The following ZNF469 variants were observed in gnomAD, a reference collection of about 807,000 sequenced individuals.
ZNF469 encodes the protein zinc finger protein 469.
Under a neutral mutation model 1.0 loss-of-function variants are expected in ZNF469, and 1 was observed. The observed-to-expected ratio is 1.00, with a 90% CI of 0.35 to 4.73. ZNF469 has a LOEUF of 4.73. Ranked by LOEUF, ZNF469 falls within the 30% of genes most tolerant of loss-of-function variation. ZNF469 has a pLI of 0.16. For missense variants in ZNF469, 6,100 were observed against 5,356.3 expected, an observed-to-expected ratio of 1.14 and a Z score of -4.33; for synonymous variants, 2,703 against 2,363.4, an observed-to-expected ratio of 1.14 and a Z score of -4.17.
At chr16:88,389,606 G>A (rs372568307) in intron 1 of ZNF469, among the ~76,000 whole-genome samples, 71 of 152,340 alleles carry the variant, frequency 4.7e-4, no homozygotes, top group African/African-American at 1.6e-3. Flanking sequence ...TCCCACCAGT[G>A]TGTCAGTGGT....
the ZNF469 span, among the ~76,000 whole-genome samples, chr16:88,278,644 G>A: frequency 1.6e-3 from 218 of 135,824 alleles, 13 homozygotes; most frequent in African/African-American, 5.4e-3. Flanking sequence ...CACGGTTAGT[G>A]CTGCCTCACG....
At chr16:88,117,983 C>G in the ZNF469 span, among the ~76,000 whole-genome samples, 1 of 152,372 alleles carries the variant, frequency 6.6e-6, no homozygotes, top group East Asian at 1.9e-4. Flanking sequence ...CGCTCTGTCG[C>G]CCAGGCTGGA....
chr16:88,409,949 T>G (rs1905105723), intron 1 of ZNF469, among the ~76,000 whole-genome samples: 1 of 150,852 alleles, frequency 6.6e-6, no homozygotes. Flanking sequence ...CAGCTCTGGC[T>G]GCTGGAAGAT....
the ZNF469 span, among the ~76,000 whole-genome samples, chr16:88,295,671 C>T: frequency 6.6e-6 from 1 of 152,256 alleles, no homozygotes; most frequent in South Asian, 2.1e-4. Flanking sequence ...ACTCGGTGCA[C>T]ACAAAGACAT....
At chr16:88,235,020 G>A in the ZNF469 span, 1 of 152,320 alleles carries the variant, frequency 6.6e-6, no homozygotes, top group Non-Finnish European at 1.5e-5. Context: ...CCTAGACTTG[G>A]GAAGGAGAGG....
chr16:88,166,011 G>C, the ZNF469 span, among the ~76,000 whole-genome samples: 1 of 152,212 alleles, frequency 6.6e-6, no homozygotes, highest in Non-Finnish European at 1.5e-5. The surrounding 1 kb of genome is among the most constrained non-coding windows in gnomAD (Gnocchi z 4.5). Context: ...CCCAGAAGCG[G>C]GCACTATTGT....
At chr16:88,256,968 G>T in the ZNF469 span, among the ~76,000 whole-genome samples, 1 of 103,582 alleles carries the variant, frequency 9.7e-6, no homozygotes, top group African/African-American at 4.0e-5. Context: ...TTCTTTCGTT[G>T]ATGGAGTTTC....
At chr16:88,235,975 G>C in the ZNF469 span, among the ~76,000 whole-genome samples, 4 of 152,206 alleles carry the variant, frequency 2.6e-5, no homozygotes, top group Non-Finnish European at 5.9e-5. Flanking sequence ...TGGGTTCAAA[G>C]ACTTTCTGAT....
At chr16:88,285,708 C>G in the ZNF469 span, among the ~76,000 whole-genome samples, 1 of 152,242 alleles carries the variant, frequency 6.6e-6, no homozygotes, top group Non-Finnish European at 1.5e-5. Context: ...GGAGAGCAAG[C>G]CAGCTGGTGA....
the ZNF469 span, among the ~76,000 whole-genome samples, chr16:88,136,038 C>T: frequency 3.9e-5 from 6 of 152,194 alleles, no homozygotes; most frequent in African/African-American, 1.4e-4. Context: ...GGATTACAGG[C>T]GTGAGCCACC....
the ZNF469 span, among the ~76,000 whole-genome samples, chr16:88,208,777 GCGCACA>G: frequency 5.4e-5 from 7 of 130,052 alleles, no homozygotes; most frequent in African/African-American, 2.0e-4. Flanking sequence ...GCGCGTGCGC[GCGCACA>G]CACACACACA....
chr16:88,268,744 G>A, the ZNF469 span, among the ~76,000 whole-genome samples: 6 of 152,314 alleles, frequency 3.9e-5, no homozygotes, highest in African/African-American at 7.2e-5. Context: ...CACTAAGCCC[G>A]GGCCACCATA....
At chr16:88,112,082 T>C in the ZNF469 span, among the ~76,000 whole-genome samples, 1 of 152,224 alleles carries the variant, frequency 6.6e-6, no homozygotes, top group Non-Finnish European at 1.5e-5. Context: ...TTTATCTGTT[T>C]GTCTATTGAT....
At chr16:88,274,574 G>A in the ZNF469 span, among the ~76,000 whole-genome samples, 1 of 152,248 alleles carries the variant, frequency 6.6e-6, no homozygotes, top group Non-Finnish European at 1.5e-5. Flanking sequence ...GGGCCCCCGG[G>A]GAGGGCAGGC....
chr16:88,266,061 G>A, the ZNF469 span, among the ~76,000 whole-genome samples: 1 of 152,262 alleles, frequency 6.6e-6, no homozygotes, highest in Non-Finnish European at 1.5e-5. Context: ...GAGGGCCCCT[G>A]CCCAGGCAGC....
chr16:88,155,718 G>A, the ZNF469 span, among the ~76,000 whole-genome samples: 4 of 152,200 alleles, frequency 2.6e-5, no homozygotes, highest in Admixed American at 6.5e-5. Context: ...AATTTAGGTC[G>A]TTTTCACTTT....
the ZNF469 span, among the ~76,000 whole-genome samples, chr16:88,310,201 G>A: frequency 2.0e-5 from 3 of 152,246 alleles, no homozygotes; most frequent in East Asian, 3.9e-4. Flanking sequence ...CAGATTACAC[G>A]GAGGACATCA....
At chr16:88,170,439 T>C in the ZNF469 span, among the ~76,000 whole-genome samples, 916 of 152,268 alleles carry the variant, frequency 6.0e-3, 45 homozygotes, top group East Asian at 0.11. This position sits in a 1 kb window ranked among gnomAD's most constrained non-coding sequence, Gnocchi z 4.2. Context: ...ACCTCCCCAT[T>C]CCCTCCCTGT....
the ZNF469 span, among the ~76,000 whole-genome samples, chr16:88,243,951 T>TATATATATATATATAA: frequency 8.3e-6 from 1 of 120,776 alleles, no homozygotes; most frequent in Non-Finnish European, 1.7e-5. Flanking sequence ...TATATATATA[T>TATATATATATATATAA]AAATGTATGT....
Sources: gnomAD v4.1 joint callset for allele counts (sites outside exome capture counted in the v4.1 genomes callset) on GRCh38, gnomAD v4.1.1 for gene constraint, Gnocchi (gnomAD v3.1) non-coding constraint, MANE v1.5 for transcripts, NCBI Gene and HGNC (gene_info 2026-07-23, HGNC 2026-07-21) for gene names.